The following AGBL4 variants were observed in gnomAD, a reference collection of about 807,000 sequenced individuals.
AGBL4 encodes AGBL carboxypeptidase 4.
AGBL4 carries 58 observed loss-of-function variants against 66.4 expected under a neutral mutation model. That is an observed-to-expected ratio of 0.87 (90% CI 0.71 to 1.09). The LOEUF (loss-of-function observed/expected upper bound fraction) is 1.09. Ranked by LOEUF, AGBL4 falls within the 50% of genes least tolerant of loss-of-function variation. The pLI is 0.00. For synonymous variants in AGBL4, 234 were observed against 222.9 expected (o/e 1.05, Z -0.44); for missense variants, 579 against 631.0 (o/e 0.92, Z 0.88).
chr1:49,973,493 T>A (rs1259205394), intron 1 of AGBL4, among the ~76,000 whole-genome samples: 2 of 151,820 alleles, frequency 1.3e-5, no homozygotes, highest in Non-Finnish European at 1.5e-5. Flanking sequence ...TGGGAAATAC[T>A]GATTTAGAGT....
intron 6 of AGBL4, among the ~76,000 whole-genome samples, chr1:48,837,539 C>G (rs1456283066): frequency 6.6e-6 from 1 of 151,542 alleles, no homozygotes; most frequent in Non-Finnish European, 1.5e-5. Context: ...CTGGATGCTT[C>G]CTGCCCTTGA....
intron 3 of AGBL4, among the ~76,000 whole-genome samples, chr1:49,668,518 G>A (rs990674124): frequency 1.3e-5 from 2 of 152,060 alleles, no homozygotes; most frequent in African/African-American, 4.8e-5. Context: ...ACATACATTT[G>A]TCTTTCCTCT....
chr1:49,942,098 A>G (rs1654817735), intron 1 of AGBL4, among the ~76,000 whole-genome samples: 1 of 152,172 alleles, frequency 6.6e-6, no homozygotes, highest in African/African-American at 2.4e-5. Flanking sequence ...AATCACATTT[A>G]TAATAGCATC....
At chr1:49,391,642 A>C (rs1644851391) in intron 3 of AGBL4, among the ~76,000 whole-genome samples, 1 of 149,678 alleles carries the variant, frequency 6.7e-6, no homozygotes, top group Admixed American at 6.7e-5. Flanking sequence ...GCTCACTGCA[A>C]GCTCCGCCTC....
At chr1:49,754,272 T>A (rs999077987) in intron 2 of AGBL4, among the ~76,000 whole-genome samples, 36 of 149,478 alleles carry the variant, frequency 2.4e-4, no homozygotes, top group African/African-American at 8.5e-4. Context: ...TGTTCTTTTT[T>A]TTTTTTATTT....
intron 1 of AGBL4, among the ~76,000 whole-genome samples, chr1:49,912,432 A>T (rs978071903): frequency 6.6e-6 from 1 of 152,360 alleles, no homozygotes; most frequent in East Asian, 1.9e-4. Context: ...TAATAACAAC[A>T]TCTAATATTT....
At chr1:49,371,708 A>G (rs1042590690) in intron 3 of AGBL4, among the ~76,000 whole-genome samples, 1 of 152,170 alleles carries the variant, frequency 6.6e-6, no homozygotes, top group African/African-American at 2.4e-5. Flanking sequence ...AATTCTAGGT[A>G]GAATGGGATA....
At chr1:49,380,793 T>C (rs908777112) in intron 3 of AGBL4, among the ~76,000 whole-genome samples, 2 of 152,296 alleles carry the variant, frequency 1.3e-5, no homozygotes, top group East Asian at 3.9e-4. Context: ...GCTAGCCATA[T>C]GTAGACAGCT....
Position 49,957,305 on chromosome 1 carries a change from C to T in AGBL4, c.34+66458G>A, listed in dbSNP as rs567880411. Among the ~76,000 whole-genome samples the T allele has an allele frequency of 1.6e-4, 24 of 152,052 alleles. No homozygotes were observed. The South Asian group carries it at 2.7e-3, about 17-fold the overall frequency. On this transcript the variant is annotated intron_variant, in intron 1 of 13. Transcript: ENST00000371839. ...TATGTGGTCAATTTTGGAATAAGTG[C>T]GATGTGGTGCTGAGAAGAATGCATA...
chr1:49,429,236 G>T (rs1015614686), intron 3 of AGBL4, among the ~76,000 whole-genome samples: 7 of 152,054 alleles, frequency 4.6e-5, no homozygotes, highest in Non-Finnish European at 1.0e-4. Flanking sequence ...TCTCTGAAAA[G>T]GCTTTTCAAA....
intron 3 of AGBL4, among the ~76,000 whole-genome samples, chr1:49,565,479 C>G (rs1004878927): frequency 8.5e-5 from 13 of 152,106 alleles, no homozygotes; most frequent in African/African-American, 1.9e-4. Flanking sequence ...TCCTTCAGGA[C>G]CTCTTTTAGG....
At chr1:48,777,215 T>A (rs555244833) in intron 6 of AGBL4, among the ~76,000 whole-genome samples, 4 of 152,124 alleles carry the variant, frequency 2.6e-5, no homozygotes, top group Non-Finnish European at 4.4e-5. Flanking sequence ...AAAAATGCAT[T>A]GATTAAAAGG....
In AGBL4 at chr1:49,537,254, A is replaced by T. The variant is rs544564818; in HGVS notation, c.282+160059T>A. On this transcript the variant is annotated intron_variant, in intron 3 of 13. Transcript: ENST00000371839. Reference sequence around the variant, plus strand: ...TCTAGGCAAACAATTTATCACGAAGATCTCAAAAACACAGGCAACAAAACA... The same window carrying T: ...TCTAGGCAAACAATTTATCACGAAGTTCTCAAAAACACAGGCAACAAAACA... Among the ~76,000 whole-genome samples the T allele has an allele frequency of 4.6e-5, 7 of 152,316 alleles. No individual in the cohort carries two copies. In the South Asian group the frequency reaches 1.4e-3, roughly 32 times the overall value.
At chr1:48,529,773 A>G (rs1643896306), downstream of AGBL4, among the ~76,000 whole-genome samples, 1 of 152,058 alleles carries the variant, frequency 6.6e-6, no homozygotes. Flanking sequence ...GGGGCCAGTA[A>G]CCCAGAGAGT....
At chr1:49,771,053 A>T in intron 2 of AGBL4, among the ~76,000 whole-genome samples, 1 of 150,856 alleles carries the variant, frequency 6.6e-6, no homozygotes, top group African/African-American at 2.4e-5. Context: ...TTTTGGGTTG[A>T]TTGTTCTTGT....
intron 4 of AGBL4, among the ~76,000 whole-genome samples, chr1:49,081,501 AG>A (rs1192528883): frequency 1.3e-5 from 2 of 152,256 alleles, no homozygotes; most frequent in African/African-American, 4.8e-5. Flanking sequence ...CTCAGGAAAT[AG>A]GAGGTAATGT....
intron 3 of AGBL4, among the ~76,000 whole-genome samples, chr1:49,289,967 A>G (rs1045875460): frequency 1.3e-5 from 2 of 152,178 alleles, no homozygotes; most frequent in Non-Finnish European, 2.9e-5. Flanking sequence ...GTTTAATAAA[A>G]AGGGTGAAAT....
chr1:49,302,607 TTTTTTATTTTA>T (rs1557821803), intron 3 of AGBL4, among the ~76,000 whole-genome samples: 2 of 114,942 alleles, frequency 1.7e-5, no homozygotes, highest in Non-Finnish European at 3.9e-5. Context: ...TTTATTTTAT[TTTTTTATTTTA>T]TTTTATTTTA....
chr1:49,121,866 C>A (rs1214511844), intron 4 of AGBL4, among the ~76,000 whole-genome samples: 1 of 152,242 alleles, frequency 6.6e-6, no homozygotes, highest in Non-Finnish European at 1.5e-5. Flanking sequence ...GGGCTCCGCC[C>A]ATTTCGAGCT....
Sources: gnomAD v4.1 joint callset for allele counts (sites outside exome capture counted in the v4.1 genomes callset) on GRCh38, gnomAD v4.1.1 for gene constraint, MANE v1.5 for transcripts, NCBI Gene and HGNC (gene_info 2026-07-23, HGNC 2026-07-21) for gene names.